GRID2: variants seen among roughly 807,000 people sequenced by gnomAD.
The protein encoded by GRID2 is glutamate receptor ionotropic, delta-2.
GRID2 carries 33 observed loss-of-function variants against 114.8 expected under a neutral mutation model. That is an observed-to-expected ratio of 0.29 (90% CI 0.22 to 0.38). The LOEUF is 0.38. GRID2 is among the 10% of genes least tolerant of loss of function. The pLI, the probability that GRID2 is intolerant of heterozygous loss-of-function variation, is 1.00. For missense variants in GRID2, 1,184 were observed against 1,257.7 expected (o/e 0.94, Z 0.89); for synonymous variants, 505 against 449.9 (o/e 1.12, Z -1.55).
At chr4:93,138,932 A>G (rs1735512472) in intron 4 of GRID2, among the ~76,000 whole-genome samples, 1 of 152,196 alleles carries the variant, frequency 6.6e-6, no homozygotes. Flanking sequence ...TCAGAGTGGC[A>G]TACAAGTCCT....
intron 2 of GRID2, among the ~76,000 whole-genome samples, chr4:92,737,217 A>T (rs1288920297): frequency 6.6e-6 from 1 of 152,100 alleles, no homozygotes; most frequent in East Asian, 1.9e-4. Flanking sequence ...AAAGGGTCTC[A>T]AGATTAAAAT....
intron 2 of GRID2, among the ~76,000 whole-genome samples, chr4:92,832,272 T>G (rs1742156968): frequency 6.6e-6 from 1 of 152,026 alleles, no homozygotes; most frequent in Non-Finnish European, 1.5e-5. Flanking sequence ...AAACACGATC[T>G]TTACTAAAAA....
intron 2 of GRID2, among the ~76,000 whole-genome samples, chr4:92,627,281 A>G (rs1376151263): frequency 1.3e-5 from 2 of 152,118 alleles, no homozygotes; most frequent in Non-Finnish European, 1.5e-5. Context: ...GTCCAATTTC[A>G]TAGTAGACTT....
intron 8 of GRID2, among the ~76,000 whole-genome samples, chr4:93,326,560 A>G (rs1757857045): frequency 6.6e-6 from 1 of 152,098 alleles, no homozygotes; most frequent in Non-Finnish European, 1.5e-5. Flanking sequence ...GAGTAAACTG[A>G]ATGTTGAGAG....
chr4:92,598,082 A>G (rs1579653132), intron 2 of GRID2, among the ~76,000 whole-genome samples: 1 of 152,200 alleles, frequency 6.6e-6, no homozygotes, highest in South Asian at 2.1e-4. Context: ...CACACTGAAT[A>G]GTCTTTTGGG....
At chr4:93,311,462 C>T (rs1043827445) in intron 8 of GRID2, among the ~76,000 whole-genome samples, 1 of 152,052 alleles carries the variant, frequency 6.6e-6, no homozygotes, top group Non-Finnish European at 1.5e-5. Flanking sequence ...CCACTTTACG[C>T]CTGAGTTGCT....
chr4:93,571,538 T>A (rs2149580182), intron 13 of GRID2, among the ~76,000 whole-genome samples: 1 of 152,204 alleles, frequency 6.6e-6, no homozygotes, highest in East Asian at 1.9e-4. Flanking sequence ...TAGGCCCTTT[T>A]TAGGCCCAAC....
intron 2 of GRID2, among the ~76,000 whole-genome samples, chr4:92,592,708 C>T (rs1196607613): frequency 6.6e-6 from 1 of 151,964 alleles, no homozygotes; most frequent in East Asian, 1.9e-4. Flanking sequence ...TGATGGTCAG[C>T]TTTGGGTAAT....
intron 2 of GRID2, among the ~76,000 whole-genome samples, chr4:92,810,441 TTAAC>T (rs1740615786): frequency 2.0e-5 from 3 of 152,078 alleles, no homozygotes; most frequent in African/African-American, 7.2e-5. Flanking sequence ...GTTCGTCTAT[TTAAC>T]TAAAAACTAC....
chr4:92,705,485 T>C (rs1734910560), intron 2 of GRID2, among the ~76,000 whole-genome samples: 1 of 152,192 alleles, frequency 6.6e-6, no homozygotes, highest in Non-Finnish European at 1.5e-5. Context: ...TGGGGCATAC[T>C]CCCTTAACTA....
At chr4:93,590,335 T>A (rs572161879) in intron 13 of GRID2, among the ~76,000 whole-genome samples, 70 of 150,400 alleles carry the variant, frequency 4.7e-4, no homozygotes, top group African/African-American at 1.6e-3. Context: ...TTCTTGTTTT[T>A]GTCAGGTTTG....
intron 2 of GRID2, among the ~76,000 whole-genome samples, chr4:92,703,226 A>G (rs1560541444): frequency 6.6e-6 from 1 of 152,206 alleles, no homozygotes; most frequent in African/African-American, 2.4e-5. Context: ...AGAAAGACAT[A>G]TATCTATTTT....
chr4:92,688,872 C>T (rs1560533751), intron 2 of GRID2, among the ~76,000 whole-genome samples: 1 of 152,104 alleles, frequency 6.6e-6, no homozygotes, highest in Non-Finnish European at 1.5e-5. Flanking sequence ...AAAGAAATCA[C>T]CATTTATGGC....
intron 2 of GRID2, among the ~76,000 whole-genome samples, chr4:92,653,535 A>G (rs1010103183): frequency 1.3e-5 from 2 of 151,866 alleles, no homozygotes; most frequent in African/African-American, 4.8e-5. Context: ...ATTTCCTTTA[A>G]GCCCCATGAA....
At chr4:93,627,594 G>C (rs1360726426) in intron 14 of GRID2, among the ~76,000 whole-genome samples, 1 of 152,208 alleles carries the variant, frequency 6.6e-6, no homozygotes, top group East Asian at 1.9e-4. Flanking sequence ...TAATTTGGTT[G>C]TGTTATGCTT....
intron 1 of GRID2, among the ~76,000 whole-genome samples, chr4:92,572,797 T>A (rs1043851596): frequency 6.6e-6 from 1 of 152,066 alleles, no homozygotes; most frequent in African/African-American, 2.4e-5. Flanking sequence ...TTTTCTTGTA[T>A]CTGTCAGATT....
At chr4:93,557,427 G>A (rs933791878) in intron 13 of GRID2, among the ~76,000 whole-genome samples, 2 of 152,072 alleles carry the variant, frequency 1.3e-5, no homozygotes, top group African/African-American at 4.8e-5. Context: ...AAGAAAGCAG[G>A]GGTTGCAGCC....
In GRID2 at chr4:93,085,169, A is replaced by G. The variant is rs1730220914; in HGVS notation, c.419A>G (p.Asp140Gly). 3 of 1,614,038 alleles carry G rather than the reference A, an allele frequency of 1.9e-6. No homozygotes were observed. In the East Asian group the frequency reaches 6.7e-5, roughly 36 times the overall value. The change falls in exon 3 of 16, where the codon GAT (aspartate) becomes GGT (glycine). Residue 140 changes from aspartate (D) to glycine (G), a missense_variant. Physicochemically the swap from Asp to Gly is moderately conservative, Grantham distance 94 (BLOSUM62 -1). Transcript: ENST00000282020. ...GGACTCACCCGGAGCAACAGGAATG[A>G]TGACTACACTCTCTCAGTTCGCCCA... ...GCGLTRSNRN[D>G]DYTLSVRPPV...
chr4:92,550,757 G>A (rs1053200796), intron 1 of GRID2, among the ~76,000 whole-genome samples: 1 of 152,036 alleles, frequency 6.6e-6, no homozygotes, highest in East Asian at 1.9e-4. Context: ...AAAAAGAACT[G>A]TATAAATTGC....
Sources: gnomAD v4.1 joint callset for allele counts (sites outside exome capture counted in the v4.1 genomes callset) on GRCh38, gnomAD v4.1.1 for gene constraint, MANE v1.5 for transcripts, NCBI Gene and HGNC (gene_info 2026-07-23, HGNC 2026-07-21) for gene names.